The following FOXP1 variants were observed in gnomAD, a reference collection of about 807,000 sequenced individuals.
FOXP1 encodes forkhead box protein P1.
In FOXP1, 15 loss-of-function variants were observed where a neutral mutation model predicts 98.2. That is an observed-to-expected ratio of 0.15 (90% CI 0.10 to 0.24). FOXP1 has a LOEUF of 0.24. FOXP1 is among the 10% of genes least tolerant of loss of function. FOXP1 has a pLI of 1.00. For synonymous variants in FOXP1, 371 were observed against 314.5 expected, an observed-to-expected ratio of 1.18 and a Z score of -1.90; for missense variants, 633 against 848.5, an observed-to-expected ratio of 0.75 and a Z score of 3.15.
Position 70,956,581 on chromosome 3 carries a change from G to A in FOXP1, c.*2666C>T, listed in dbSNP as rs2031846741. The A allele has an allele frequency of 4.3e-6, 1 of 230,136 alleles. No individual in the cohort carries two copies. The allele number at this position is 230,136 out of a possible 1,614,324, so 14.3% of individuals were successfully genotyped here. A position where few individuals can be genotyped will look rare whatever the true frequency, so the allele number is the denominator to read the frequency against. On this transcript the variant is annotated 3_prime_UTR_variant, in exon 21 of 21. Coordinates refer to ENST00000649528, the MANE Select transcript of FOXP1 (RefSeq NM_001349338.3). ...ATGCTGTTATCTTTACTCATGTCTAGCTACACATGCTGAGAATGAACTAAT... is the reference window on the plus strand; with the variant it reads ...ATGCTGTTATCTTTACTCATGTCTAACTACACATGCTGAGAATGAACTAAT...
chr3:71,380,234 C>G (rs2080036806), intron 3 of FOXP1, among the ~76,000 whole-genome samples: 1 of 152,122 alleles, frequency 6.6e-6, no homozygotes, highest in African/African-American at 2.4e-5. Flanking sequence ...CCCTAGTGGA[C>G]AGAGGTCAGG....
At chr3:71,221,111 G>A (rs1438392606) in intron 5 of FOXP1, among the ~76,000 whole-genome samples, 2 of 152,276 alleles carry the variant, frequency 1.3e-5, no homozygotes, top group East Asian at 3.9e-4. Context: ...AGCAGGAGGT[G>A]AGCAGCAGGT....
At chr3:71,064,592 C>A (rs1472649483) in intron 7 of FOXP1, among the ~76,000 whole-genome samples, 2 of 151,880 alleles carry the variant, frequency 1.3e-5, no homozygotes, top group African/African-American at 4.9e-5. Context: ...CTCCAGGACC[C>A]ACAGGCCTGC....
chr3:71,108,408 C>G (rs779414016), intron 7 of FOXP1, among the ~76,000 whole-genome samples: 4 of 152,198 alleles, frequency 2.6e-5, no homozygotes, highest in Non-Finnish European at 5.9e-5. Context: ...TATGAGTACA[C>G]CTGCACTGTT....
intron 6 of FOXP1, among the ~76,000 whole-genome samples, chr3:71,150,314 T>C (rs150103027): frequency 6.6e-6 from 1 of 152,318 alleles, no homozygotes; most frequent in African/African-American, 2.4e-5. Flanking sequence ...TATGGTAAAA[T>C]TATATCATTA....
chr3:71,279,172 C>CAAAAAAAAAA (rs11308828), intron 5 of FOXP1, among the ~76,000 whole-genome samples: 44 of 69,660 alleles, frequency 6.3e-4, no homozygotes, highest in Middle Eastern at 8.6e-3. Flanking sequence ...AACTCCATCT[C>CAAAAAAAAAA]AAAAAAAAAA....
At chr3:71,122,415 A>G (rs895508304) in intron 6 of FOXP1, among the ~76,000 whole-genome samples, 1 of 152,208 alleles carries the variant, frequency 6.6e-6, no homozygotes, top group Admixed American at 6.5e-5. Context: ...ACTACTGGCC[A>G]AATATTAGGA....
intron 2 of FOXP1, among the ~76,000 whole-genome samples, chr3:71,541,803 T>C (rs1055883024): frequency 6.6e-6 from 1 of 152,206 alleles, no homozygotes; most frequent in African/African-American, 2.4e-5. Flanking sequence ...AGAGATGCTA[T>C]TCTTATTGCT....
chr3:71,436,253 T>C (rs560959447), intron 3 of FOXP1, among the ~76,000 whole-genome samples: 88 of 152,170 alleles, frequency 5.8e-4, no homozygotes, highest in African/African-American at 1.9e-3. Context: ...ACTTTACACA[T>C]GTTCACAATC....
intron 11 of FOXP1, among the ~76,000 whole-genome samples, chr3:71,018,301 GCAAT>G (rs2044822256): frequency 6.6e-6 from 1 of 152,124 alleles, no homozygotes; most frequent in Admixed American, 6.5e-5. Flanking sequence ...GCCTTAGAAC[GCAAT>G]CAGTTATACC....
chr3:71,167,098 T>G (rs1017400733), intron 6 of FOXP1, among the ~76,000 whole-genome samples: 1 of 151,896 alleles, frequency 6.6e-6, no homozygotes, highest in African/African-American at 2.4e-5. Context: ...CCAGCCAAAT[T>G]TGATCAACAA....
chr3:71,063,527 G>A (rs1180500781), intron 7 of FOXP1, among the ~76,000 whole-genome samples: 2 of 152,138 alleles, frequency 1.3e-5, no homozygotes, highest in East Asian at 3.9e-4. Flanking sequence ...AACAAAAACA[G>A]CAAAACAGGG....
At chr3:70,977,245 AT>A (rs1213676241) in intron 16 of FOXP1, among the ~76,000 whole-genome samples, 1 of 152,128 alleles carries the variant, frequency 6.6e-6, no homozygotes, top group Non-Finnish European at 1.5e-5. Flanking sequence ...TTGAGTTTTT[AT>A]TTCTGTTTCC....
Position 70,976,385 on chromosome 3 carries a change from A to C in FOXP1, c.1530+556T>G, listed in dbSNP as rs143876778. On this transcript the variant is annotated intron_variant, in intron 17 of 20. Coordinates refer to ENST00000649528, the MANE Select transcript of FOXP1 (RefSeq NM_001349338.3). ...CTCTTGACTTAAAACCAAAAAAAGA[A>C]AAACAAAAACCCCTGCCCCTTAATA... 7.5e-3 allele frequency among the ~76,000 whole-genome samples: 1,149 copies of C among 152,318 alleles called. 25 individuals are homozygous for C. The highest frequency in any genetic ancestry group is 0.027 in the African/African-American group (1,114 of 41,570).
chr3:71,556,436 G>A (rs1025458924), intron 2 of FOXP1, among the ~76,000 whole-genome samples: 3 of 152,146 alleles, frequency 2.0e-5, no homozygotes, highest in African/African-American at 7.2e-5. Flanking sequence ...AATTAGCCGG[G>A]CGTGGTGGCA....
At chr3:71,217,165 C>G (rs2108488877) in intron 5 of FOXP1, among the ~76,000 whole-genome samples, 1 of 152,276 alleles carries the variant, frequency 6.6e-6, no homozygotes, top group South Asian at 2.1e-4. Context: ...CTCCGCCTCC[C>G]AGGTTCAGGG....
intron 19 of FOXP1, among the ~76,000 whole-genome samples, chr3:70,967,687 G>GTTTTTTTTTTTGTTTTTTTTTT (rs2035151049): frequency 4.9e-5 from 3 of 61,358 alleles, no homozygotes; most frequent in Admixed American, 2.2e-4. Context: ...ACTATTATTT[G>GTTTTTTTTTTTGTTTTTTTTTT]TTTTTTTTTT....
At chr3:71,401,515 A>C (rs1188598611) in intron 3 of FOXP1, among the ~76,000 whole-genome samples, 1 of 152,162 alleles carries the variant, frequency 6.6e-6, no homozygotes, top group Non-Finnish European at 1.5e-5. Context: ...AGCCTCATTC[A>C]CTCAGAAATC....
chr3:71,378,689 A>C (rs973718077), intron 3 of FOXP1, among the ~76,000 whole-genome samples: 1 of 151,620 alleles, frequency 6.6e-6, no homozygotes, highest in African/African-American at 2.4e-5. Flanking sequence ...GTTTTATTTT[A>C]AATAAATTAA....
Sources: gnomAD v4.1 joint callset for allele counts (sites outside exome capture counted in the v4.1 genomes callset) on GRCh38, gnomAD v4.1.1 for gene constraint, MANE v1.5 for transcripts, NCBI Gene and HGNC (gene_info 2026-07-23, HGNC 2026-07-21) for gene names.